Variants in GBE1 observed in about 807,000 individuals in gnomAD.
GBE1 encodes 1,4-alpha-glucan-branching enzyme.
GBE1 carries 70 observed loss-of-function variants against 88.8 expected under a neutral mutation model. The ratio of observed to expected loss-of-function variants is 0.79; its 90% CI spans 0.65 to 0.96. The LOEUF is 0.96. Ranked by LOEUF, GBE1 falls within the 40% of genes least tolerant of loss-of-function variation. The pLI, the probability that GBE1 is intolerant of heterozygous loss-of-function variation, is 0.00. For synonymous variants in GBE1, 284 were observed against 300.1 expected (o/e 0.95, Z 0.56); for missense variants, 872 against 871.0 (o/e 1.00, Z -0.01).
At chr3:81,568,100 G>A (rs1037892970) in intron 12 of GBE1, among the ~76,000 whole-genome samples, 6 of 151,986 alleles carry the variant, frequency 3.9e-5, no homozygotes, top group Admixed American at 6.6e-5. Context: ...TGATCTTTAC[G>A]AAGTATATTT....
At chr3:81,736,434 A>G (rs1487719197) in intron 1 of GBE1, among the ~76,000 whole-genome samples, 1 of 152,170 alleles carries the variant, frequency 6.6e-6, no homozygotes, top group Non-Finnish European at 1.5e-5. Context: ...CAACACTCCT[A>G]TACATAAATT....
chr3:81,563,021 CTG>C (rs1703441059), intron 12 of GBE1, among the ~76,000 whole-genome samples: 2 of 152,030 alleles, frequency 1.3e-5, no homozygotes. Context: ...AGCAAGATAT[CTG>C]TGTTTAGAGC....
At chr3:81,661,966 C>G (rs1705038111) in intron 3 of GBE1, among the ~76,000 whole-genome samples, 1 of 152,092 alleles carries the variant, frequency 6.6e-6, no homozygotes. Context: ...TATGTTTTAA[C>G]AAAAATTTAC....
chr3:81,709,483 A>G (rs921065420), intron 1 of GBE1, among the ~76,000 whole-genome samples: 1 of 152,216 alleles, frequency 6.6e-6, no homozygotes, highest in African/African-American at 2.4e-5. Flanking sequence ...ACACACACAT[A>G]CACCCTCATA....
At chr3:81,577,796 A>C in intron 12 of GBE1, 129 bp downstream of exon 12, 1 of 676,524 alleles carries the variant, frequency 1.5e-6, no homozygotes, top group Admixed American at 3.7e-5. Context: ...ACACGACAGT[A>C]TATGAAATAA....
At chr3:81,692,319 T>A (rs867301130) in intron 2 of GBE1, among the ~76,000 whole-genome samples, 12 of 152,228 alleles carry the variant, frequency 7.9e-5, no homozygotes, top group Admixed American at 3.9e-4. Flanking sequence ...TTTGGCCAAC[T>A]AATGTGCACA....
intron 12 of GBE1, among the ~76,000 whole-genome samples, chr3:81,538,471 T>C (rs2106874303): frequency 6.6e-6 from 1 of 152,122 alleles, no homozygotes; most frequent in Admixed American, 6.6e-5. Context: ...AATGATAATA[T>C]TTCTTATGAT....
intron 12 of GBE1, among the ~76,000 whole-genome samples, chr3:81,546,604 C>T (rs1322597657): frequency 6.6e-6 from 1 of 151,334 alleles, no homozygotes; most frequent in Non-Finnish European, 1.5e-5. Flanking sequence ...TGAGAGTGAC[C>T]TCTGGTCTTT....
intron 1 of GBE1, among the ~76,000 whole-genome samples, chr3:81,751,840 T>A (rs1203664830): frequency 2.0e-5 from 3 of 152,230 alleles, no homozygotes; most frequent in African/African-American, 7.2e-5. Context: ...ATCTGTATTG[T>A]GCAGTTATTC....
chr3:81,746,233 T>C (rs1201886117), intron 1 of GBE1, among the ~76,000 whole-genome samples: 1 of 152,172 alleles, frequency 6.6e-6, no homozygotes, highest in Non-Finnish European at 1.5e-5. Context: ...TACTGTGAAA[T>C]GAGAGGGTTC....
At chr3:81,744,893 CTAATTT>C (rs2107224176) in intron 1 of GBE1, among the ~76,000 whole-genome samples, 1 of 152,282 alleles carries the variant, frequency 6.6e-6, no homozygotes, top group South Asian at 2.1e-4. Context: ...AAGACTCATT[CTAATTT>C]TAATAGAGAA....
rs150293731 is a variant in GBE1, at chr3:81,497,625, T to C, written c.2052+1485A>G. Among the ~76,000 whole-genome samples the C allele has an allele frequency of 2.6e-4, 39 of 152,336 alleles. No homozygotes were observed. In the East Asian group the frequency reaches 7.3e-3, roughly 29 times the overall value. ...ATCTTTTCACTATACCTTCAGGTTC[T>C]TCATAACAGAACCCTGTTGGGGTAC... On this transcript the variant is annotated intron_variant, in intron 15 of 15. Transcript: ENST00000429644.
intron 7 of GBE1, among the ~76,000 whole-genome samples, chr3:81,614,776 T>C (rs2106999686): frequency 6.6e-6 from 1 of 152,212 alleles, no homozygotes; most frequent in South Asian, 2.1e-4. Flanking sequence ...GGAGAATCGC[T>C]TGAACCCAGG....
At chr3:81,523,150 C>T (rs1430296909) in intron 14 of GBE1, among the ~76,000 whole-genome samples, 2 of 150,500 alleles carry the variant, frequency 1.3e-5, no homozygotes, top group African/African-American at 4.9e-5. Flanking sequence ...CACAGTAATA[C>T]ACTATGCTAT....
chr3:81,740,369 G>A (rs1162329387), intron 1 of GBE1, among the ~76,000 whole-genome samples: 1 of 151,556 alleles, frequency 6.6e-6, no homozygotes, highest in South Asian at 2.1e-4. Context: ...TATACATAGA[G>A]GATCTCTCTC....
intron 12 of GBE1, among the ~76,000 whole-genome samples, chr3:81,551,461 G>T (rs559593968): frequency 1.3e-5 from 2 of 152,256 alleles, no homozygotes; most frequent in East Asian, 3.9e-4. Context: ...GACAAGCTGG[G>T]AACCGCTTCT....
intron 1 of GBE1, among the ~76,000 whole-genome samples, chr3:81,752,504 A>T (rs1392289421): frequency 6.6e-6 from 1 of 152,204 alleles, no homozygotes; most frequent in Non-Finnish European, 1.5e-5. Context: ...ACAGAAAAGG[A>T]AGATCAAGAG....
At chr3:81,648,737 C>G in intron 5 of GBE1, 119 bp downstream of exon 5, 1 of 520,114 alleles carries the variant, frequency 1.9e-6, no homozygotes, top group Non-Finnish European at 3.2e-6. Flanking sequence ...AAATAAAATG[C>G]CTTTCTATTA....
At chr3:81,607,579 A>G (rs1704121396) in intron 7 of GBE1, among the ~76,000 whole-genome samples, 1 of 152,066 alleles carries the variant, frequency 6.6e-6, no homozygotes, top group African/African-American at 2.4e-5. Context: ...CAAAAAATAA[A>G]TAAATAAATA....
Sources: allele counts gnomAD v4.1 joint callset (sites outside exome capture counted in the v4.1 genomes callset), GRCh38; gene constraint gnomAD v4.1.1; transcripts MANE v1.5; gene names NCBI Gene and HGNC (gene_info 2026-07-23, HGNC 2026-07-21).